Variants in TRAPPC10 observed in about 807,000 individuals in gnomAD.
The protein encoded by TRAPPC10 is trafficking protein particle complex subunit 10.
Under a neutral mutation model 125.5 loss-of-function variants are expected in TRAPPC10, and 23 were observed. That is an observed-to-expected ratio of 0.18 (90% CI 0.13 to 0.26). The LOEUF is 0.26. TRAPPC10 is among the 10% of genes least tolerant of loss of function. TRAPPC10 has a pLI of 1.00. For synonymous variants in TRAPPC10, 509 were observed against 518.0 expected, an observed-to-expected ratio of 0.98 and a Z score of 0.24; for missense variants, 1,123 against 1,308.4, an observed-to-expected ratio of 0.86 and a Z score of 2.19.
At chr21:44,076,683 C>A in intron 10 of TRAPPC10, 55 bp downstream of exon 10, 1 of 1,468,444 alleles carries the variant, frequency 6.8e-7, no homozygotes, top group Non-Finnish European at 9.5e-7. Flanking sequence ...CTCTAGAAGG[C>A]TTTGCTACAT....
chr21:44,063,239 G>A lies in TRAPPC10; in HGVS notation c.791-299G>A, dbSNP rs1045533486. 1 of 1,261,842 alleles carries A rather than the reference G, an allele frequency of 7.9e-7. No individual in the cohort carries two copies. 78.2% of individuals were successfully genotyped at this position (1,261,842 alleles called of 1,614,324 possible). On this transcript the variant is annotated intron_variant, in intron 6 of 22. Coordinates refer to ENST00000291574, the MANE Select transcript of TRAPPC10 (RefSeq NM_003274.5). This position sits in a 1 kb window ranked among gnomAD's most constrained non-coding sequence, Gnocchi z 4.4. Reference sequence around the variant, plus strand: ...CCTCCCTCGGCCTGAGACAGAGCCTGAGCTCCCCTAACCATGTAGCCTGTC... The same window carrying A: ...CCTCCCTCGGCCTGAGACAGAGCCTAAGCTCCCCTAACCATGTAGCCTGTC...
rs760911398 is a variant in TRAPPC10 at position 44,082,783 on chromosome 21, T to G, written c.1724-5T>G. On this transcript the variant is annotated splice_polypyrimidine_tract_variant and splice_region_variant and intron_variant, in intron 13 of 22. Transcript: ENST00000291574. The surrounding 1 kb of genome is among the most constrained non-coding windows in gnomAD (Gnocchi z 4.4). ...GGAGTCACTTACGATAATGTCTATT[T>G]ACAGGTCATAAGATAGTGCTACCCA... 11 of 1,613,214 alleles carry G rather than the reference T, an allele frequency of 6.8e-6. No homozygotes were observed. The highest frequency in any genetic ancestry group is 1.3e-5 in the African/African-American group (1 of 74,828).
At chr21:44,017,251 A>G (rs770226572) in intron 1 of TRAPPC10, among the ~76,000 whole-genome samples, 4 of 152,182 alleles carry the variant, frequency 2.6e-5, no homozygotes, top group Non-Finnish European at 4.4e-5. Context: ...TTACTATGTC[A>G]TTTCTACCCG....
chr21:44,042,469 C>T (rs2034493092), intron 3 of TRAPPC10, among the ~76,000 whole-genome samples: 1 of 152,002 alleles, frequency 6.6e-6, no homozygotes, highest in South Asian at 2.1e-4. Flanking sequence ...AGCTTTATTG[C>T]ATTGTGTTCA....
rs190907692 is a variant in TRAPPC10 at position 44,017,802 on chromosome 21, C to T, written c.67+5242C>T. Reference sequence around the variant, plus strand: ...TTATCAGAGCAGCCACCCTGTTTTGCGACGATAATGATGTCATCGAAAGAA... The same window carrying T: ...TTATCAGAGCAGCCACCCTGTTTTGTGACGATAATGATGTCATCGAAAGAA... On this transcript the variant is annotated intron_variant, in intron 1 of 22. Coordinates refer to ENST00000291574, the MANE Select transcript of TRAPPC10 (RefSeq NM_003274.5). Among the ~76,000 whole-genome samples the T allele has an allele frequency of 4.2e-4, 64 of 151,686 alleles. 1 individual carries two copies. The highest frequency in any genetic ancestry group is 1.3e-3 in the African/African-American group (52 of 41,344).
chr21:44,012,472 G>C lies in TRAPPC10; in HGVS notation c.-22G>C, dbSNP rs973152787. ...GGCTGCCCATGGGGCGCGGGGGGCC[G>C]GGCCGGTGACGCCGGACGCCCATGG... On this transcript the variant is annotated 5_prime_UTR_variant, in exon 1 of 23. Coordinates refer to ENST00000291574, the MANE Select transcript of TRAPPC10 (RefSeq NM_003274.5). 2.1e-6 allele frequency: 3 copies of C among 1,453,072 alleles called. No individual in the cohort carries two copies. The highest frequency in any genetic ancestry group is 6.1e-5 in the East Asian group (2 of 32,748). The allele number at this position is 1,453,072 out of a possible 1,614,324, so 90.0% of individuals were successfully genotyped here. A position where few individuals can be genotyped will look rare whatever the true frequency, so the allele number is the denominator to read the frequency against.
At position 44,063,469 on chromosome 21, in the gene TRAPPC10, G is replaced by T. The variant is rs895752422; in HGVS notation, c.791-69G>T. ...GCTGCCTGTTTGCCCACCATCCTCA[G>T]CCTGAGCAGGAAGCTCAGGAAGGTG... On this transcript the variant is annotated intron_variant, in intron 6 of 22. Transcript: ENST00000291574. The surrounding 1 kb of genome is among the most constrained non-coding windows in gnomAD (Gnocchi z 4.4). 5.1e-6 allele frequency: 8 copies of T among 1,573,204 alleles called. No individual in the cohort carries two copies. The African/African-American group carries it at 1.1e-4, about 21-fold the overall frequency.
chr21:44,057,308 T>A (rs2035676107), intron 5 of TRAPPC10, among the ~76,000 whole-genome samples: 1 of 152,034 alleles, frequency 6.6e-6, no homozygotes, highest in African/African-American at 2.4e-5. Context: ...TCTCTCTCTT[T>A]TTTTTTTTAT....
At chr21:44,060,906 A>T (rs1343629941) in intron 6 of TRAPPC10, among the ~76,000 whole-genome samples, 1 of 120,096 alleles carries the variant, frequency 8.3e-6, no homozygotes, top group Non-Finnish European at 1.6e-5. Context: ...CAGCCTATAC[A>T]TACATACATA....
intron 7 of TRAPPC10, among the ~76,000 whole-genome samples, chr21:44,068,254 A>G (rs2036597422): frequency 6.6e-6 from 1 of 152,188 alleles, no homozygotes; most frequent in Non-Finnish European, 1.5e-5. Context: ...CTTACGTGCT[A>G]AGGAATGAGT....
intron 15 of TRAPPC10, 71 bp from the exon 16 acceptor site, chr21:44,086,730 AC>A (rs2038160610): frequency 6.6e-7 from 1 of 1,525,482 alleles, no homozygotes; most frequent in Non-Finnish European, 9.0e-7. Context: ...AGCCCCTTTC[AC>A]CCCATTGCGG....
chr21:44,058,137 C>T (rs1371222376), intron 5 of TRAPPC10, among the ~76,000 whole-genome samples: 1 of 152,076 alleles, frequency 6.6e-6, no homozygotes, highest in Non-Finnish European at 1.5e-5. Context: ...TATGCTAGGG[C>T]GAGAGAGAGG....
At chr21:44,016,062 T>C (rs1029391820) in intron 1 of TRAPPC10, among the ~76,000 whole-genome samples, 1 of 152,180 alleles carries the variant, frequency 6.6e-6, no homozygotes, top group African/African-American at 2.4e-5. Flanking sequence ...TGTGCAGGGA[T>C]GGGAGCTGAA....
chr21:44,035,114 T>C (rs1425101980), intron 2 of TRAPPC10, among the ~76,000 whole-genome samples: 1 of 152,216 alleles, frequency 6.6e-6, no homozygotes. Flanking sequence ...CAAACATTCT[T>C]GCATTGGAAA....
intron 13 of TRAPPC10, among the ~76,000 whole-genome samples, chr21:44,081,028 T>TTTTTTTTTTTTTTTTG (rs1569207595): frequency 7.2e-6 from 1 of 139,476 alleles, no homozygotes; most frequent in Non-Finnish European, 1.5e-5. Context: ...TTTTTTTTTT[T>TTTTTTTTTTTTTTTTG]TTTTTTTTTG....
chr21:44,045,754 A>T (rs1270179874), intron 3 of TRAPPC10, among the ~76,000 whole-genome samples: 1 of 151,256 alleles, frequency 6.6e-6, no homozygotes, highest in Admixed American at 6.6e-5. Flanking sequence ...GACGGGGTTT[A>T]ACCGTGTTGG....
Position 44,059,134 on chromosome 21 carries a change from A to T in TRAPPC10, c.710A>T (p.Gln237Leu). The T allele has an allele frequency of 6.2e-7, 1 of 1,603,976 alleles. No homozygotes were observed. The highest frequency in any genetic ancestry group is 1.1e-5 in the South Asian group (1 of 89,132). ...CTTGCCTTTGTTTTCGAGATGCTGC[A>T]GCAGTTCGAGGACGCCCTGGTGCAG... ...EELAFVFEML[Q>L]QFEDALVQYD... Residue 237 changes from glutamine (Q) to leucine (L), a missense_variant, in exon 6 of 23, where the codon CAG becomes CTG. Transcript: ENST00000291574. The surrounding 1 kb of genome is among the most constrained non-coding windows in gnomAD (Gnocchi z 4.4).
chr21:44,052,612 G>A, intron 4 of TRAPPC10, 136 bp downstream of exon 4: 2 of 789,690 alleles, frequency 2.5e-6, no homozygotes, highest in South Asian at 3.7e-5. Flanking sequence ...GAGACCTGGT[G>A]CCTGTCCTTG....
chr21:44,090,921 G>T (rs139791449), intron 18 of TRAPPC10, among the ~76,000 whole-genome samples: 2,032 of 152,302 alleles, frequency 0.013, 50 homozygotes, highest in African/African-American at 0.047. Flanking sequence ...AGCCGGGCGT[G>T]GTGGCTCATG....
Sources: allele counts gnomAD v4.1 joint callset (sites outside exome capture counted in the v4.1 genomes callset), GRCh38; gene constraint gnomAD v4.1.1; non-coding constraint Gnocchi (gnomAD v3.1); transcripts MANE v1.5; gene names NCBI Gene and HGNC (gene_info 2026-07-23, HGNC 2026-07-21).